The following WWOX variants were observed in gnomAD, a reference collection of about 807,000 sequenced individuals.
The protein encoded by WWOX is WW domain containing oxidoreductase, also known as WW domain-containing oxidoreductase.
WWOX carries 69 observed loss-of-function variants against 46.2 expected under a neutral mutation model. The ratio of observed to expected loss-of-function variants is 1.49; its 90% CI spans 1.23 to 1.82. The LOEUF (loss-of-function observed/expected upper bound fraction) is 1.82. Among genes scored for constraint, WWOX ranks in the 40% most tolerant of loss-of-function variants. The pLI, the probability that WWOX is intolerant of heterozygous loss-of-function variation, is 0.00. For missense variants in WWOX, 919 were observed against 542.6 expected, an observed-to-expected ratio of 1.69 and a Z score of -6.89; for synonymous variants, 359 against 202.6, an observed-to-expected ratio of 1.77 and a Z score of -6.56.
intron 8 of WWOX, among the ~76,000 whole-genome samples, chr16:78,507,372 T>G (rs1239547792): frequency 6.6e-6 from 1 of 152,074 alleles, no homozygotes; most frequent in African/African-American, 2.4e-5. Context: ...AAATAAAAAG[T>G]CAAAAGGAAA....
Position 78,892,516 on chromosome 16 carries a change from C to A in WWOX, c.1057-319092C>A, listed in dbSNP as rs368112926. The stretch of plus-strand genomic sequence containing the variant: ...CACCCCCGCTGTCCAGAACACATGT[C>A]AAGAAGTGGGAGCTGGACGACAACA... On this transcript the variant is annotated intron_variant, in intron 8 of 8. Transcript: ENST00000566780. 4.1e-4 allele frequency among the ~76,000 whole-genome samples: 62 copies of A among 152,340 alleles called. No homozygotes were observed. The South Asian group carries it at 8.9e-3, about 22-fold the overall frequency.
At chr16:78,969,658 C>T (rs979551960) in intron 8 of WWOX, among the ~76,000 whole-genome samples, 3 of 151,978 alleles carry the variant, frequency 2.0e-5, no homozygotes, top group African/African-American at 7.3e-5. Flanking sequence ...AAGGGAGTTT[C>T]CTGCAGCTTT....
intron 5 of WWOX, among the ~76,000 whole-genome samples, chr16:78,260,195 G>A (rs1314830014): frequency 1.3e-5 from 2 of 151,420 alleles, no homozygotes; most frequent in African/African-American, 4.9e-5. Context: ...AGGGACCCAG[G>A]TGAACAGGGT....
intron 8 of WWOX, among the ~76,000 whole-genome samples, chr16:78,514,283 T>C (rs1239777439): frequency 1.3e-5 from 2 of 152,210 alleles, no homozygotes; most frequent in Admixed American, 6.5e-5. Flanking sequence ...TAGATAATTA[T>C]GTATAATAAG....
chr16:78,555,030 C>T (rs772629178), intron 8 of WWOX, among the ~76,000 whole-genome samples: 5 of 152,104 alleles, frequency 3.3e-5, no homozygotes, highest in African/African-American at 4.8e-5. Flanking sequence ...GCTCCCTTGC[C>T]ATTTAAGGTC....
At chr16:78,864,180 C>G (rs1251542171) in intron 8 of WWOX, among the ~76,000 whole-genome samples, 1 of 152,036 alleles carries the variant, frequency 6.6e-6, no homozygotes, top group Non-Finnish European at 1.5e-5. Context: ...TACAGTAAAT[C>G]TATGGTTAAT....
intron 8 of WWOX, among the ~76,000 whole-genome samples, chr16:79,112,827 G>A (rs992099585): frequency 6.6e-6 from 1 of 152,178 alleles, no homozygotes; most frequent in African/African-American, 2.4e-5. Flanking sequence ...AGACAGCTCA[G>A]GAGACCGTCC....
At chr16:78,495,507 GGT>G (rs112706999) in intron 8 of WWOX, among the ~76,000 whole-genome samples, 105,413 of 142,430 alleles carry the variant, frequency 0.74, 40,654 homozygotes, top group Admixed American at 0.86. Flanking sequence ...CATAGAAAAT[GGT>G]CTTTTTTTTT....
At chr16:79,042,539 A>G (rs544780840) in intron 8 of WWOX, among the ~76,000 whole-genome samples, 1 of 152,128 alleles carries the variant, frequency 6.6e-6, no homozygotes. Flanking sequence ...ACTCAATAAA[A>G]TGTGGGTTTG....
rs148687739 is a variant in WWOX at position 78,531,267 on chromosome 16, G to C, written c.1056+98515G>C. Among the ~76,000 whole-genome samples the C allele has an allele frequency of 4.7e-3, 718 of 152,190 alleles. 3 individuals carry two copies. The highest frequency in any genetic ancestry group is 0.017 in the Middle Eastern group (5 of 294). On this transcript the variant is annotated intron_variant, in intron 8 of 8. Coordinates refer to ENST00000566780, the MANE Select transcript of WWOX (RefSeq NM_016373.4). Reference sequence around the variant, plus strand: ...TTGAGGGACAGTGAGAGCGAGGAAGGGTTTCCATTCTCCGAGATGGATGGT... The same window carrying C: ...TTGAGGGACAGTGAGAGCGAGGAAGCGTTTCCATTCTCCGAGATGGATGGT...
chr16:78,725,308 T>C (rs1363233403), intron 8 of WWOX, among the ~76,000 whole-genome samples: 1 of 151,566 alleles, frequency 6.6e-6, no homozygotes, highest in Non-Finnish European at 1.5e-5. Context: ...GTCTCAGGTA[T>C]GTCTTTTTTT....
At chr16:79,121,855 G>T (rs1286834481) in intron 8 of WWOX, among the ~76,000 whole-genome samples, 1 of 152,036 alleles carries the variant, frequency 6.6e-6, no homozygotes, top group East Asian at 1.9e-4. Flanking sequence ...AAAACAATTC[G>T]TTCTCAGCAT....
chr16:78,440,609 G>A (rs2083422253), intron 8 of WWOX, among the ~76,000 whole-genome samples: 2 of 144,194 alleles, frequency 1.4e-5, no homozygotes, highest in African/African-American at 5.5e-5. Flanking sequence ...CATAATTTCT[G>A]TAGTTTTTTT....
intron 8 of WWOX, among the ~76,000 whole-genome samples, chr16:78,767,338 T>C (rs559804434): frequency 1.3e-5 from 2 of 152,176 alleles, no homozygotes; most frequent in Non-Finnish European, 2.9e-5. Flanking sequence ...TTTTGCCGTG[T>C]TGCCCTGGCT....
At chr16:78,745,237 G>A (rs747568016) in intron 8 of WWOX, among the ~76,000 whole-genome samples, 3 of 152,162 alleles carry the variant, frequency 2.0e-5, no homozygotes, top group Non-Finnish European at 4.4e-5. Flanking sequence ...CTTCCTGTTG[G>A]TGGACTGATT....
At chr16:78,706,804 C>A (rs1028973628) in intron 8 of WWOX, among the ~76,000 whole-genome samples, 2 of 152,130 alleles carry the variant, frequency 1.3e-5, no homozygotes, top group African/African-American at 2.4e-5. Context: ...ATACAAACTA[C>A]CTTTTTTTTT....
rs111896290 is a variant in WWOX, at chr16:78,549,991, A to G, written c.1056+117239A>G. On this transcript the variant is annotated intron_variant, in intron 8 of 8. Coordinates refer to ENST00000566780, the MANE Select transcript of WWOX (RefSeq NM_016373.4). ...AAATTCCCATCCCACCCCCGCAACA[A>G]TGAAGGGAAATGCCTAGGTTGAAAA... Among the ~76,000 whole-genome samples, 48 of 152,344 alleles carry G rather than the reference A, an allele frequency of 3.2e-4. 1 individual carries two copies. Among genetic ancestry groups the G allele is most frequent in the African/African-American group, 9.4e-4 (39 of 41,588 alleles).
intron 8 of WWOX, among the ~76,000 whole-genome samples, chr16:78,509,003 G>T (rs769693064): frequency 6.6e-6 from 1 of 152,248 alleles, no homozygotes; most frequent in East Asian, 1.9e-4. Flanking sequence ...CGTTAAAGGC[G>T]TGCATGTGTG....
chr16:78,117,313 A>T (rs934333129), intron 4 of WWOX, among the ~76,000 whole-genome samples: 2 of 152,016 alleles, frequency 1.3e-5, no homozygotes, highest in Non-Finnish European at 2.9e-5. Flanking sequence ...TTCCTATTCA[A>T]GTGCCCACAG....
Sources: allele counts gnomAD v4.1 joint callset (sites outside exome capture counted in the v4.1 genomes callset), GRCh38; gene constraint gnomAD v4.1.1; transcripts MANE v1.5; gene names NCBI Gene and HGNC (gene_info 2026-07-23, HGNC 2026-07-21).